Variants in GDPD5 observed in about 807,000 individuals in gnomAD.
The protein encoded by GDPD5 is glycerophosphodiester phosphodiesterase 2.
A neutral mutation model predicts 75.1 loss-of-function variants in GDPD5; 48 were observed. That is an observed-to-expected ratio of 0.64 (90% CI 0.51 to 0.81). The LOEUF (loss-of-function observed/expected upper bound fraction) is 0.81. Among genes scored for constraint, GDPD5 ranks in the 40% least tolerant of loss-of-function variants. The pLI, the probability that GDPD5 is intolerant of heterozygous loss-of-function variation, is 0.00. For missense variants in GDPD5, 706 were observed against 822.6 expected, an observed-to-expected ratio of 0.86 and a Z score of 1.73; for synonymous variants, 336 against 339.0, an observed-to-expected ratio of 0.99 and a Z score of 0.10.
At chr11:75,437,139 G>C in intron 15 of GDPD5, 91 bp from the exon 16 acceptor site, 1 of 895,062 alleles carries the variant, frequency 1.1e-6, no homozygotes, top group Admixed American at 2.1e-5. Context: ...TCTGGATGTG[G>C]CCCAAGAGAC....
intron 10 of GDPD5, among the ~76,000 whole-genome samples, chr11:75,443,642 C>T (rs1425760165): frequency 1.3e-5 from 2 of 152,226 alleles, no homozygotes; most frequent in Non-Finnish European, 2.9e-5. Context: ...TCAAGGTCCA[C>T]AGCCTGTAAG....
At chr11:75,462,922 GTC>G in intron 3 of GDPD5, 33 bp from the exon 4 acceptor site, 3 of 1,565,692 alleles carry the variant, frequency 1.9e-6, no homozygotes, top group Non-Finnish European at 2.6e-6. Context: ...GATTAAGTGG[GTC>G]AGGGGCCAGC....
intron 1 of GDPD5, among the ~76,000 whole-genome samples, chr11:75,501,431 A>G (rs902256145): frequency 3.3e-5 from 5 of 152,262 alleles, no homozygotes; most frequent in African/African-American, 1.2e-4. Flanking sequence ...CACTGGCGCA[A>G]GCATACAGGC....
chr11:75,462,708 T>C, intron 4 of GDPD5, 78 bp downstream of exon 4: 4 of 1,132,030 alleles, frequency 3.5e-6, no homozygotes, highest in Non-Finnish European at 5.2e-6. Flanking sequence ...AGACAGGCTC[T>C]AACTCCAGCC....
chr11:75,441,197 G>C lies in GDPD5; in HGVS notation c.1439C>G (p.Ala480Gly), dbSNP rs1381938531. Reference sequence around the variant, plus strand: ...GAGGGGGGAAGGCACCTGGGACAGGGCGTGGGAGTTGTCAGAGGTGACGGA... The same window carrying C: ...GAGGGGGGAAGGCACCTGGGACAGGCCGTGGGAGTTGTCAGAGGTGACGGA... ...VPSVTSDNSH[A>G]LSQVPSPLWI... The change falls in exon 14 of 17, where the codon GCC becomes GGC. Residue 480 changes from alanine to glycine, a missense_variant. Transcript: ENST00000336898. 6.2e-7 allele frequency: 1 copy of C among 1,613,894 alleles called. No homozygotes were observed. The highest frequency in any genetic ancestry group is 1.3e-5 in the African/African-American group (1 of 74,918).
intron 16 of GDPD5, 61 bp downstream of exon 16, chr11:75,436,875 A>G (rs999365137): frequency 4.4e-5 from 54 of 1,237,546 alleles, no homozygotes; most frequent in Non-Finnish European, 5.8e-5. Flanking sequence ...ATCTGTTTGC[A>G]TGTGGGGGTG....
At chr11:75,455,363 A>T (rs770382544) in intron 6 of GDPD5, 11 of 456,414 alleles carry the variant, frequency 2.4e-5, no homozygotes. Flanking sequence ...GCCTGTGAGT[A>T]GAGTGAGGGC....
intron 15 of GDPD5, 39 bp from the exon 16 acceptor site, chr11:75,437,087 G>T: frequency 6.7e-7 from 1 of 1,497,294 alleles, no homozygotes; most frequent in Non-Finnish European, 9.3e-7. Flanking sequence ...TCTCTCCTCA[G>T]CCCTCCCTTG....
chr11:75,463,705 G>C (rs142837490), intron 3 of GDPD5, among the ~76,000 whole-genome samples: 23 of 152,306 alleles, frequency 1.5e-4, no homozygotes, highest in African/African-American at 5.1e-4. Flanking sequence ...AGTCACAGAG[G>C]CAGCCCTACG....
At chr11:75,507,943 C>T (rs1162427377) in intron 1 of GDPD5, among the ~76,000 whole-genome samples, 1 of 152,154 alleles carries the variant, frequency 6.6e-6, no homozygotes, top group Non-Finnish European at 1.5e-5. Context: ...CACCCACCCC[C>T]AGCACCCACT....
At chr11:75,470,620 ATTTC>A (rs764372668) in intron 3 of GDPD5, among the ~76,000 whole-genome samples, 32 of 152,340 alleles carry the variant, frequency 2.1e-4, no homozygotes, top group Admixed American at 3.9e-4. Flanking sequence ...GAAGACTAGA[ATTTC>A]TTTTACATCT....
intron 2 of GDPD5, among the ~76,000 whole-genome samples, chr11:75,487,932 T>C (rs1950046138): frequency 6.6e-6 from 1 of 152,222 alleles, no homozygotes; most frequent in African/African-American, 2.4e-5. Context: ...GGAATCCTCA[T>C]TGAATAATTC....
intron 3 of GDPD5, among the ~76,000 whole-genome samples, chr11:75,469,824 G>C (rs1029139315): frequency 6.6e-6 from 1 of 152,204 alleles, no homozygotes; most frequent in Non-Finnish European, 1.5e-5. Context: ...TGGATATTTG[G>C]TAACAACTGT....
chr11:75,524,998 G>T (rs924319277), intron 1 of GDPD5, among the ~76,000 whole-genome samples: 1 of 152,260 alleles, frequency 6.6e-6, no homozygotes, highest in African/African-American at 2.4e-5. Context: ...GAGTAGCAGT[G>T]AGGCTTAGGC....
intron 1 of GDPD5, among the ~76,000 whole-genome samples, chr11:75,510,591 C>T (rs536294000): frequency 6.6e-6 from 1 of 152,182 alleles, no homozygotes; most frequent in Non-Finnish European, 1.5e-5. Context: ...TGTGCTGCCT[C>T]CTTTCACCTC....
At chr11:75,480,304 G>A (rs1196507927) in intron 2 of GDPD5, among the ~76,000 whole-genome samples, 1 of 151,670 alleles carries the variant, frequency 6.6e-6, no homozygotes. Flanking sequence ...CTCCAGCCAG[G>A]GTGACAGGGC....
intron 3 of GDPD5, among the ~76,000 whole-genome samples, chr11:75,475,161 A>C (rs1286150981): frequency 2.6e-5 from 4 of 152,210 alleles, no homozygotes; most frequent in Non-Finnish European, 5.9e-5. Context: ...CCAGCCTGAG[A>C]ATGAGAATAA....
chr11:75,513,787 C>T (rs887292109), intron 1 of GDPD5, among the ~76,000 whole-genome samples: 2 of 152,192 alleles, frequency 1.3e-5, no homozygotes, highest in Non-Finnish European at 2.9e-5. Flanking sequence ...AGCAGGGTTC[C>T]CCTGGCACCC....
intron 4 of GDPD5, among the ~76,000 whole-genome samples, chr11:75,462,450 C>T (rs1462517030): frequency 6.6e-6 from 1 of 152,228 alleles, no homozygotes; most frequent in Non-Finnish European, 1.5e-5. Flanking sequence ...ATGCCTCCTC[C>T]TCCAGGAAGC....
Sources: allele counts gnomAD v4.1 joint callset (sites outside exome capture counted in the v4.1 genomes callset), GRCh38; gene constraint gnomAD v4.1.1; transcripts MANE v1.5; gene names NCBI Gene and HGNC (gene_info 2026-07-23, HGNC 2026-07-21).